Variants in NELL2 observed in about 807,000 individuals in gnomAD.
NELL2 encodes protein kinase C-binding protein NELL2.
In NELL2, 41 loss-of-function variants were observed where a neutral mutation model predicts 109.6. The ratio of observed to expected loss-of-function variants is 0.37; its 90% CI spans 0.29 to 0.49. The LOEUF (loss-of-function observed/expected upper bound fraction) is 0.49. Ranked by LOEUF, NELL2 falls within the 20% of genes least tolerant of loss-of-function variation. The pLI is 0.98. For missense variants in NELL2, 900 were observed against 1,008.3 expected (o/e 0.89, Z 1.45); for synonymous variants, 355 against 344.7 (o/e 1.03, Z -0.33).
At chr12:44,754,733 T>G (rs545421756) in intron 9 of NELL2, among the ~76,000 whole-genome samples, 2 of 152,182 alleles carry the variant, frequency 1.3e-5, no homozygotes, top group African/African-American at 2.4e-5. Context: ...AACCAATAAT[T>G]GAGTTATAAA....
chr12:44,788,073 T>C (rs985387216), intron 3 of NELL2, among the ~76,000 whole-genome samples: 1 of 152,112 alleles, frequency 6.6e-6, no homozygotes, highest in Admixed American at 6.5e-5. Context: ...AAAGGACTAC[T>C]ATCTAGAATA....
At chr12:44,652,040 C>T (rs142053686) in intron 13 of NELL2, among the ~76,000 whole-genome samples, 112 of 152,214 alleles carry the variant, frequency 7.4e-4, no homozygotes, top group African/African-American at 2.6e-3. Context: ...ATCATTAAGA[C>T]ACCCAAAAGC....
chr12:44,903,070 C>T (rs1382466854), intron 1 of NELL2, among the ~76,000 whole-genome samples: 1 of 152,018 alleles, frequency 6.6e-6, no homozygotes, highest in Non-Finnish European at 1.5e-5. Flanking sequence ...AATTAAAGAG[C>T]TTCTGCACAG....
intron 12 of NELL2, among the ~76,000 whole-genome samples, chr12:44,675,668 CAAATT>C (rs1948285406): frequency 6.6e-6 from 1 of 151,950 alleles, no homozygotes; most frequent in Non-Finnish European, 1.5e-5. Context: ...AAGCCAGAAA[CAAATT>C]AAAGAGGAGG....
chr12:44,706,671 C>T (rs1472890692), intron 11 of NELL2, among the ~76,000 whole-genome samples: 3 of 151,980 alleles, frequency 2.0e-5, no homozygotes, highest in Non-Finnish European at 2.9e-5. Context: ...ATATATTATT[C>T]GTTAATAACT....
Position 44,816,125 on chromosome 12 carries a change from T to G in NELL2, c.196A>C (p.Ser66Arg). Residue 66 changes from serine to arginine, a missense_variant, in exon 3 of 20, where the codon AGC becomes CGC. By Grantham distance (110) the Ser-to-Arg change is moderately radical. Around this residue, in one of 4 missense-constraint regions of NELL2, gnomAD observed 200 missense variants for 191.8 expected, o/e 1.04. Transcript: ENST00000429094. ...GCTGTAGCAGTGGATGCTTTTATGC[T>G]TCTGGGAGTATCTAAAAAAGAAACA... ...KAFLFQDTPR[S>R]IKASTATAEQ... 2 of 1,593,386 alleles carry G rather than the reference T, an allele frequency of 1.3e-6. No individual in the cohort carries two copies. The highest frequency in any genetic ancestry group is 2.3e-5 in the East Asian group (1 of 44,396).
At chr12:44,554,356 C>T (rs764736875) in intron 15 of NELL2, among the ~76,000 whole-genome samples, 6 of 152,050 alleles carry the variant, frequency 3.9e-5, no homozygotes, top group Non-Finnish European at 5.9e-5. Flanking sequence ...AAAAACAATA[C>T]AGTACATACT....
intron 15 of NELL2, among the ~76,000 whole-genome samples, chr12:44,603,383 A>G (rs1945288244): frequency 6.6e-6 from 1 of 152,154 alleles, no homozygotes; most frequent in Admixed American, 6.6e-5. Flanking sequence ...GCTTTAAATC[A>G]TTACTGAAAG....
At chr12:44,657,749 G>A (rs992643041) in intron 13 of NELL2, among the ~76,000 whole-genome samples, 1 of 152,132 alleles carries the variant, frequency 6.6e-6, no homozygotes, top group African/African-American at 2.4e-5. Flanking sequence ...CTGTTCCTGT[G>A]TTAGTTTGCT....
intron 3 of NELL2, among the ~76,000 whole-genome samples, chr12:44,809,789 C>T (rs939826022): frequency 6.6e-6 from 1 of 152,056 alleles, no homozygotes; most frequent in African/African-American, 2.4e-5. Context: ...TGATCATCTG[C>T]CCTTCCTACT....
chr12:44,836,957 AAGC>A (rs941094208), intron 2 of NELL2, among the ~76,000 whole-genome samples: 4 of 152,122 alleles, frequency 2.6e-5, no homozygotes, highest in African/African-American at 9.7e-5. Flanking sequence ...TGTCCCTAGG[AAGC>A]AGACGTCACC....
At chr12:44,863,548 G>A (rs1185072450) in intron 2 of NELL2, among the ~76,000 whole-genome samples, 1 of 151,886 alleles carries the variant, frequency 6.6e-6, no homozygotes, top group Non-Finnish European at 1.5e-5. Context: ...AAGGAATATT[G>A]AACCCAGCAA....
rs758873036 is a variant in NELL2 at position 44,711,284 on chromosome 12, A to T, written c.1189+8T>A. On this transcript the variant is annotated splice_region_variant and intron_variant, in intron 11 of 19. Transcript: ENST00000429094. ...GCACGTAAACCTTACTTTTCAAAAA[A>T]GTCTTACCTTTACAAACTTTGCAAC... The T allele has an allele frequency of 6.2e-7, 1 of 1,606,070 alleles. No homozygotes were observed. Among genetic ancestry groups the T allele is most frequent in the Non-Finnish European group, 8.5e-7 (1 of 1,173,280 alleles).
Position 44,875,229 on chromosome 12 carries a change from A to G in NELL2, c.180T>C (p.Phe60=). The G allele has an allele frequency of 1.2e-6, 2 of 1,611,416 alleles. No individual in the cohort carries two copies. Among genetic ancestry groups the G allele is most frequent in the East Asian group, 2.2e-5 (1 of 44,788 alleles). ...GATGCAGCACGCCGGGCATACCTTG[A>G]AAGAGAAAGGCTTTCGTCCCATTAT... ...GLHNGTKAFL[F]QDTPRSIKAS... The change falls in exon 2 of 20, where the codon TTT becomes TTC. Residue 60 remains phenylalanine, a synonymous_variant. Transcript: ENST00000429094.
chr12:44,875,720 T>C, intron 1 of NELL2, 95 bp downstream of exon 1: 1 of 1,608,630 alleles, frequency 6.2e-7, no homozygotes, highest in South Asian at 1.1e-5. Flanking sequence ...CAGACCTACT[T>C]TGGGTCCGGG....
chr12:44,876,662 TGCA>T, upstream of NELL2: 1 of 1,551,382 alleles, frequency 6.4e-7, no homozygotes. Context: ...ACCACCCAGC[TGCA>T]GGAGGCAAGG....
At chr12:44,714,883 C>T (rs1294062547) in intron 9 of NELL2, 142 bp from the exon 10 acceptor site, 1 of 445,856 alleles carries the variant, frequency 2.2e-6, no homozygotes, top group Non-Finnish European at 4.0e-6. Flanking sequence ...ATTCAATCTA[C>T]TGCAAGGCAC....
intron 3 of NELL2, among the ~76,000 whole-genome samples, chr12:44,797,936 C>T (rs1419760798): frequency 1.8e-5 from 1 of 55,552 alleles, no homozygotes; most frequent in African/African-American, 4.2e-5. Flanking sequence ...CCATTCCATC[C>T]TAGATGGAAT....
chr12:44,636,392 C>T (rs1946636924), intron 13 of NELL2, among the ~76,000 whole-genome samples: 1 of 152,078 alleles, frequency 6.6e-6, no homozygotes, highest in African/African-American at 2.4e-5. Context: ...CAACTTTTGC[C>T]CATTCAGTAT....
Sources: gnomAD v4.1 joint callset for allele counts (sites outside exome capture counted in the v4.1 genomes callset) on GRCh38, gnomAD v4.1.1 for gene constraint, gnomAD v4.1.1 regional missense constraint, MANE v1.5 for transcripts, NCBI Gene and HGNC (gene_info 2026-07-23, HGNC 2026-07-21) for gene names.